Variants in RUBCN observed in about 807,000 individuals in gnomAD.
The protein encoded by RUBCN is rubicon autophagy regulator.
RUBCN carries 74 observed loss-of-function variants against 113.2 expected under a neutral mutation model. That is an observed-to-expected ratio of 0.65 (90% confidence interval 0.54 to 0.79). The LOEUF (loss-of-function observed/expected upper bound fraction) is 0.79. Ranked by LOEUF, RUBCN falls within the 30% of genes least tolerant of loss-of-function variation. The pLI is 0.00. For missense variants in RUBCN, 1,109 were observed against 1,251.7 expected, an observed-to-expected ratio of 0.89 and a Z score of 1.72; for synonymous variants, 480 against 490.0, an observed-to-expected ratio of 0.98 and a Z score of 0.27.
chr3:197,693,801 G>T lies in RUBCN; in HGVS notation c.1700C>A (p.Ser567Tyr), dbSNP rs555319774. The change falls in exon 11 of 20, where the codon TCC (serine) becomes TAC (tyrosine). Residue 567 changes from serine to tyrosine, a missense_variant. Ser to Tyr is a moderately radical substitution (Grantham distance 144, BLOSUM62 -2). Coordinates refer to ENST00000296343, the MANE Select transcript of RUBCN (RefSeq NM_014687.4). ...EAEHGSFRVTSSSSQFSSRDS... is the reference protein window; with the variant it reads ...EAEHGSFRVTYSSSQFSSRDS... ...ACGTGAGCTGAACTGGGAGCTGCTG[G>T]AGGTGACCCGAAAGCCTGTTATGTT... The T allele has an allele frequency of 1.1e-5, 17 of 1,613,758 alleles. No homozygotes were observed. The highest frequency in any genetic ancestry group is 1.4e-5 in the Non-Finnish European group (17 of 1,179,656).
chr3:197,701,144 T>G lies in RUBCN; in HGVS notation c.730A>C (p.Arg244=). The change falls in exon 7 of 20, where the codon AGA becomes CGA. Residue 244 remains arginine (R), a splice_region_variant and synonymous_variant. Transcript: ENST00000296343. ...GAGAGTGGAAAGGAAGTAGATCTTC[T>G]CTCTAGAATATAAAAGGAAATGGTA... ...HQSVPNNGSE[R]RSTSFPLSGP... 1 of 1,529,832 alleles carries G rather than the reference T, an allele frequency of 6.5e-7. No homozygotes were observed. The highest frequency in any genetic ancestry group is 8.8e-7 in the Non-Finnish European group (1 of 1,141,862). 94.8% of individuals were successfully genotyped at this position (1,529,832 alleles called of 1,614,324 possible). A position where few individuals can be genotyped will look rare whatever the true frequency, so the allele number is the denominator to read the frequency against.
At chr3:197,712,230 C>T (rs555667623) in intron 2 of RUBCN, among the ~76,000 whole-genome samples, 1 of 152,226 alleles carries the variant, frequency 6.6e-6, no homozygotes, top group East Asian at 1.9e-4. Flanking sequence ...ATCAAATATG[C>T]CTTGCCTTCT....
chr3:197,707,963 CA>C (rs368244493), intron 2 of RUBCN, among the ~76,000 whole-genome samples: 212 of 134,042 alleles, frequency 1.6e-3, no homozygotes, highest in African/African-American at 1.6e-3. Flanking sequence ...TACTCTGTCT[CA>C]AAAAAAAAAA....
chr3:197,736,769 T>C lies in RUBCN; in HGVS notation c.-50A>G, dbSNP rs1728188985. On this transcript the variant is annotated 5_prime_UTR_variant, in exon 1 of 20. Coordinates refer to ENST00000296343, the MANE Select transcript of RUBCN (RefSeq NM_014687.4). ...GCCCAAGAGAGGCGTCCCTGCCGCT[T>C]CGCCCTTCAGGGCTCCCGGGGCCCC... The C allele has an allele frequency of 6.6e-7, 1 of 1,522,818 alleles. No homozygotes were observed. The highest frequency in any genetic ancestry group is 8.8e-7 in the Non-Finnish European group (1 of 1,141,898). The allele number at this position is 1,522,818 out of a possible 1,614,324, so 94.3% of individuals were successfully genotyped here.
chr3:197,732,257 C>T (rs1282435771), intron 1 of RUBCN, among the ~76,000 whole-genome samples: 2 of 152,168 alleles, frequency 1.3e-5, no homozygotes, highest in Non-Finnish European at 2.9e-5. Flanking sequence ...ATGGCCAAGG[C>T]GGTCTAGGGA....
At position 197,707,973 on chromosome 3, in the gene RUBCN, A is replaced by T. The variant is rs151258699; in HGVS notation, c.220-2798T>A. 2.2e-4 allele frequency among the ~76,000 whole-genome samples: 33 copies of T among 152,180 alleles called. No individual in the cohort carries two copies. In the East Asian group the frequency reaches 6.4e-3, roughly 29 times the overall value. Reference sequence around the variant, plus strand: ...TGCAATACTCTGTCTCAAAAAAAAAAAAATAATAATAATGCAAGTTCTGAT... The same window carrying T: ...TGCAATACTCTGTCTCAAAAAAAAATAAATAATAATAATGCAAGTTCTGAT... On this transcript the variant is annotated intron_variant, in intron 2 of 19. Coordinates refer to ENST00000296343, the MANE Select transcript of RUBCN (RefSeq NM_014687.4).
chr3:197,731,708 C>T (rs1181358336), intron 1 of RUBCN, among the ~76,000 whole-genome samples: 15 of 150,964 alleles, frequency 9.9e-5, no homozygotes, highest in Non-Finnish European at 1.3e-4. Context: ...CGGGCAGAGG[C>T]GCCCCTCACT....
chr3:197,676,272 G>A (rs997084908), intron 18 of RUBCN: 7 of 991,252 alleles, frequency 7.1e-6, no homozygotes, highest in East Asian at 1.1e-4. Flanking sequence ...AATGACGGCC[G>A]AGGGTAGACT....
At chr3:197,710,861 C>G (rs1396343928) in intron 2 of RUBCN, among the ~76,000 whole-genome samples, 1 of 151,974 alleles carries the variant, frequency 6.6e-6, no homozygotes, top group Non-Finnish European at 1.5e-5. Flanking sequence ...CTCTGTCGCC[C>G]AGGCTGGAAT....
At position 197,703,598 on chromosome 3, in the gene RUBCN, C is replaced by T; in HGVS notation, c.520G>A (p.Ala174Thr). 1.2e-6 allele frequency: 2 copies of T among 1,613,842 alleles called. No individual in the cohort carries two copies. The highest frequency in any genetic ancestry group is 1.7e-6 in the Non-Finnish European group (2 of 1,179,922). Reference sequence around the variant, plus strand: ...AGGCGGGGGTTGTTCTGTTCCACTGCTTCCAGGCACTGCAGCATGGCCGTG... The same window carrying T: ...AGGCGGGGGTTGTTCTGTTCCACTGTTTCCAGGCACTGCAGCATGGCCGTG... ...HVTAMLQCLE[A>T]VEQNNPRLLA... is the part of the protein sequence containing the mutation. Residue 174 changes from alanine to threonine, a missense_variant, in exon 5 of 20, where the codon GCA (alanine) becomes ACA (threonine). By Grantham distance (58) the Ala-to-Thr change is moderately conservative. This residue lies in a region of RUBCN where 736 missense variants were observed against 779.6 expected (regional missense o/e 0.94). Coordinates refer to ENST00000296343, the MANE Select transcript of RUBCN (RefSeq NM_014687.4).
At chr3:197,732,592 C>G (rs1004247446) in intron 1 of RUBCN, among the ~76,000 whole-genome samples, 2 of 152,240 alleles carry the variant, frequency 1.3e-5, no homozygotes, top group African/African-American at 4.8e-5. Flanking sequence ...GGATTACAGG[C>G]GTGAGCCACC....
At chr3:197,676,207 C>A (rs1301126154) in intron 18 of RUBCN, 1 of 989,632 alleles carries the variant, frequency 1.0e-6, no homozygotes, top group Non-Finnish European at 1.2e-6. Flanking sequence ...CCAAGAAAAT[C>A]GAGGCCTCAG....
intron 1 of RUBCN, among the ~76,000 whole-genome samples, chr3:197,746,462 A>G (rs1728750285): frequency 1.3e-5 from 2 of 152,220 alleles, no homozygotes; most frequent in Non-Finnish European, 2.9e-5. Context: ...GACTCATGCC[A>G]TATAGCCATG....
chr3:197,748,853 T>C (rs1204216098), intron 1 of RUBCN, among the ~76,000 whole-genome samples: 1 of 152,212 alleles, frequency 6.6e-6, no homozygotes. Flanking sequence ...CACATGACAT[T>C]GTGACATGAC....
chr3:197,723,757 C>T (rs1295233944), intron 1 of RUBCN, among the ~76,000 whole-genome samples: 2 of 152,076 alleles, frequency 1.3e-5, no homozygotes, highest in Non-Finnish European at 2.9e-5. Context: ...ACCATTATGC[C>T]TGAATCTTAG....
Position 197,681,225 on chromosome 3 carries a change from C to G in RUBCN, c.2334G>C (p.Lys778Asn). The G allele has an allele frequency of 6.2e-7, 1 of 1,614,116 alleles. No homozygotes were observed. The highest frequency in any genetic ancestry group is 2.2e-5 in the East Asian group (1 of 44,882). ...FSKYYVSNFSKDLLIKIWNDP... is the reference protein window; with the variant it reads ...FSKYYVSNFSNDLLIKIWNDP... ...CATTCCAGATCTTAATGAGCAGGTC[C>G]TTGGAGAAGTTGCTGACGTAGTACT... The change falls in exon 16 of 20, where the codon AAG becomes AAC. Residue 778 changes from lysine (K) to asparagine (N), a missense_variant. By Grantham distance (94) the Lys-to-Asn change is moderately conservative. Transcript: ENST00000296343. This position sits in a 1 kb window ranked among gnomAD's most constrained non-coding sequence, Gnocchi z 5.5.
rs1241720229 is a variant in RUBCN at position 197,697,020 on chromosome 3, C to T, written c.1291G>A (p.Gly431Ser). The change falls in exon 8 of 20, where the codon GGC (glycine) becomes AGC (serine). Residue 431 changes from glycine to serine, a missense_variant. Around this residue, in one of 3 missense-constraint regions of RUBCN, gnomAD observed 736 missense variants for 779.6 expected, o/e 0.94. Coordinates refer to ENST00000296343, the MANE Select transcript of RUBCN (RefSeq NM_014687.4). ...ESCNDKAKLRGPLPYSGQSSE... is the reference protein window; with the variant it reads ...ESCNDKAKLRSPLPYSGQSSE... ...CTTTGACCAGAGTAGGGCAAAGGGC[C>T]TCTCAACTTCGCCTTATCATTGCAG... 3.7e-6 allele frequency: 6 copies of T among 1,605,802 alleles called. No homozygotes were observed. Among genetic ancestry groups the T allele is most frequent in the Non-Finnish European group, 5.1e-6 (6 of 1,172,628 alleles).
intron 2 of RUBCN, among the ~76,000 whole-genome samples, chr3:197,717,205 T>C (rs1431512707): frequency 5.3e-5 from 8 of 149,686 alleles, no homozygotes; most frequent in East Asian, 2.0e-4. Flanking sequence ...GAGGCCAAGG[T>C]GGGCAGATCA....
intron 1 of RUBCN, among the ~76,000 whole-genome samples, chr3:197,718,864 C>T (rs1379927402): frequency 2.0e-5 from 3 of 152,200 alleles, no homozygotes; most frequent in African/African-American, 7.2e-5. Flanking sequence ...TCCTATATTT[C>T]CAAGCGCTAA....
Sources: allele counts gnomAD v4.1 joint callset (sites outside exome capture counted in the v4.1 genomes callset), GRCh38; gene constraint gnomAD v4.1.1; regional missense constraint gnomAD v4.1.1; non-coding constraint Gnocchi (gnomAD v3.1); transcripts MANE v1.5; gene names NCBI Gene and HGNC (gene_info 2026-07-23, HGNC 2026-07-21).